MAGI2: variants seen among roughly 807,000 people sequenced by gnomAD.
MAGI2 encodes the protein membrane associated guanylate kinase, WW and PDZ domain containing 2.
Under a neutral mutation model 133.3 loss-of-function variants are expected in MAGI2, and 35 were observed. The observed-to-expected ratio is 0.26, with a 90% CI of 0.20 to 0.35. The LOEUF (loss-of-function observed/expected upper bound fraction) is 0.35, where lower values mean the gene tolerates loss of function less well. MAGI2 is among the 10% of genes least tolerant of loss of function. The pLI, the probability that MAGI2 is intolerant of heterozygous loss-of-function variation, is 1.00. For missense variants in MAGI2, 1,636 were observed against 1,863.4 expected, an observed-to-expected ratio of 0.88 and a Z score of 2.25; for synonymous variants, 729 against 710.6, an observed-to-expected ratio of 1.03 and a Z score of -0.41.
At chr7:78,467,559 T>C (rs1004674525) in intron 6 of MAGI2, among the ~76,000 whole-genome samples, 6 of 151,758 alleles carry the variant, frequency 4.0e-5, no homozygotes, top group African/African-American at 1.2e-4. Context: ...GAGGGTATTA[T>C]TGGCAGAGTG....
intron 1 of MAGI2, among the ~76,000 whole-genome samples, chr7:79,262,185 T>C (rs1022895310): frequency 6.6e-6 from 1 of 152,162 alleles, no homozygotes; most frequent in African/African-American, 2.4e-5. Flanking sequence ...TGCCCTTCCT[T>C]CTCTTAGATG....
intron 2 of MAGI2, among the ~76,000 whole-genome samples, chr7:78,914,832 G>A (rs931057242): frequency 2.6e-5 from 4 of 151,906 alleles, no homozygotes; most frequent in Non-Finnish European, 4.4e-5. Flanking sequence ...AATGTAGCAG[G>A]GGCCATATTT....
At chr7:79,094,579 G>T (rs980478386) in intron 1 of MAGI2, among the ~76,000 whole-genome samples, 2 of 152,194 alleles carry the variant, frequency 1.3e-5, no homozygotes, top group African/African-American at 2.4e-5. Flanking sequence ...AATGGAAACA[G>T]TGTCTATGGA....
chr7:79,061,202 A>G (rs1681039004), intron 1 of MAGI2, among the ~76,000 whole-genome samples: 1 of 152,074 alleles, frequency 6.6e-6, no homozygotes, highest in Non-Finnish European at 1.5e-5. Flanking sequence ...GTTCCTGAGC[A>G]TGATACAGAA....
chr7:79,065,572 T>C (rs530810442), intron 1 of MAGI2, among the ~76,000 whole-genome samples: 2 of 152,234 alleles, frequency 1.3e-5, no homozygotes, highest in South Asian at 4.1e-4. Context: ...ATTTTTCTTT[T>C]TTATTATACT....
chr7:78,662,335 G>C (rs1182332046), intron 2 of MAGI2, among the ~76,000 whole-genome samples: 1 of 152,032 alleles, frequency 6.6e-6, no homozygotes, highest in Non-Finnish European at 1.5e-5. Flanking sequence ...TGGCTTAGTG[G>C]GTTCCAAAGA....
At chr7:79,262,724 T>C (rs1834173274) in intron 1 of MAGI2, among the ~76,000 whole-genome samples, 1 of 152,302 alleles carries the variant, frequency 6.6e-6, no homozygotes, top group Admixed American at 6.5e-5. Context: ...CATGCATAAC[T>C]TACACACAAC....
intron 2 of MAGI2, among the ~76,000 whole-genome samples, chr7:78,756,541 A>G (rs969830731): frequency 1.3e-5 from 2 of 152,172 alleles, no homozygotes; most frequent in Admixed American, 1.3e-4. Flanking sequence ...GGGCAGCAAT[A>G]CACGCATTTG....
chr7:78,292,427 TAA>T (rs540555254), intron 9 of MAGI2, among the ~76,000 whole-genome samples: 1,787 of 152,106 alleles, frequency 0.012, 14 homozygotes, highest in Middle Eastern at 0.017. Context: ...CTCAATGAAA[TAA>T]AAGAGGACAC....
At chr7:78,644,484 T>C (rs907165109) in intron 2 of MAGI2, among the ~76,000 whole-genome samples, 14 of 152,086 alleles carry the variant, frequency 9.2e-5, no homozygotes, top group African/African-American at 3.4e-4. Context: ...TAAAATTAAT[T>C]TAGAAACCAA....
chr7:79,016,777 C>A (rs1808776763), intron 1 of MAGI2, among the ~76,000 whole-genome samples: 1 of 152,160 alleles, frequency 6.6e-6, no homozygotes, highest in African/African-American at 2.4e-5. Context: ...AGCCCCACAC[C>A]CACCTGCACC....
chr7:79,282,398 G>A (rs1032741020), intron 1 of MAGI2, among the ~76,000 whole-genome samples: 9 of 152,096 alleles, frequency 5.9e-5, no homozygotes, highest in Non-Finnish European at 1.0e-4. Flanking sequence ...CATCCTTGGA[G>A]CAAATAACTG....
chr7:78,429,459 A>G (rs1799589479), intron 6 of MAGI2, among the ~76,000 whole-genome samples: 1 of 152,118 alleles, frequency 6.6e-6, no homozygotes, highest in Admixed American at 6.6e-5. Context: ...CTCCCGTGGA[A>G]AAAAATGGAT....
intron 1 of MAGI2, among the ~76,000 whole-genome samples, chr7:79,427,971 C>T (rs1348643847): frequency 6.6e-6 from 1 of 152,026 alleles, no homozygotes; most frequent in East Asian, 1.9e-4. Context: ...CAGAATTAAG[C>T]AGATTAAGGA....
At chr7:78,373,725 G>C (rs1236206711) in intron 6 of MAGI2, among the ~76,000 whole-genome samples, 3 of 152,088 alleles carry the variant, frequency 2.0e-5, no homozygotes, top group East Asian at 3.9e-4. Flanking sequence ...GCACAGAGCA[G>C]TTTTTCAACT....
At chr7:79,049,017 T>A (rs1812432010) in intron 1 of MAGI2, among the ~76,000 whole-genome samples, 1 of 152,188 alleles carries the variant, frequency 6.6e-6, no homozygotes, top group Non-Finnish European at 1.5e-5. Context: ...TTGCTATGGT[T>A]TTTAGACAAG....
chr7:78,792,737 A>C (rs899195043), intron 2 of MAGI2, among the ~76,000 whole-genome samples: 3 of 151,878 alleles, frequency 2.0e-5, no homozygotes, highest in African/African-American at 4.9e-5. Context: ...AACTGAAAAA[A>C]AGAAGTAATT....
chr7:78,298,448 T>C (rs59595022), intron 9 of MAGI2, among the ~76,000 whole-genome samples: 71 of 152,270 alleles, frequency 4.7e-4, no homozygotes, highest in African/African-American at 1.6e-3. Flanking sequence ...AGAAGAGAAA[T>C]TGGGTGTTGG....
At chr7:78,224,987 C>T (rs992691916) in intron 10 of MAGI2, among the ~76,000 whole-genome samples, 1 of 152,108 alleles carries the variant, frequency 6.6e-6, no homozygotes, top group Non-Finnish European at 1.5e-5. Flanking sequence ...CTCTGCTCAC[C>T]TCACCTCCAA....
Sources: allele counts gnomAD v4.1 joint callset (sites outside exome capture counted in the v4.1 genomes callset), GRCh38; gene constraint gnomAD v4.1.1; transcripts MANE v1.5; gene names NCBI Gene and HGNC (gene_info 2026-07-23, HGNC 2026-07-21).